CSMD1: variants seen among roughly 807,000 people sequenced by gnomAD.
The protein encoded by CSMD1 is CUB and sushi domain-containing protein 1.
A neutral mutation model predicts 417.5 loss-of-function variants in CSMD1; 213 were observed. That is an observed-to-expected ratio of 0.51 (90% CI 0.46 to 0.57). The LOEUF (loss-of-function observed/expected upper bound fraction) is 0.57. Ranked by LOEUF, CSMD1 falls within the 20% of genes least tolerant of loss-of-function variation. CSMD1 has a pLI of 0.00. For missense variants in CSMD1, 6,923 were observed against 4,529.7 expected (o/e 1.53, Z -15.17); for synonymous variants, 2,862 against 1,736.8 (o/e 1.65, Z -16.11).
At chr8:4,420,337 C>T (rs1585047060) in intron 2 of CSMD1, among the ~76,000 whole-genome samples, 1 of 151,598 alleles carries the variant, frequency 6.6e-6, no homozygotes, top group Non-Finnish European at 1.5e-5. Flanking sequence ...AAATGCTCCT[C>T]GTTTTTGGAT....
At chr8:4,416,277 A>G (rs1212282058) in intron 3 of CSMD1, among the ~76,000 whole-genome samples, 1 of 152,186 alleles carries the variant, frequency 6.6e-6, no homozygotes, top group Admixed American at 6.5e-5. Context: ...ACTGGATCAT[A>G]AAGAATACAA....
At chr8:3,857,156 T>C (rs1272479832) in intron 5 of CSMD1, among the ~76,000 whole-genome samples, 2 of 152,064 alleles carry the variant, frequency 1.3e-5, no homozygotes, top group African/African-American at 2.4e-5. Context: ...TAGTGTAAAA[T>C]GATGGGATAA....
At chr8:3,972,051 C>A (rs571165033) in intron 5 of CSMD1, among the ~76,000 whole-genome samples, 71 of 152,064 alleles carry the variant, frequency 4.7e-4, no homozygotes, top group Non-Finnish European at 1.0e-3. Context: ...GTAAATTTTT[C>A]ATAGAGACAG....
chr8:4,290,814 T>C (rs1485437753), intron 3 of CSMD1, among the ~76,000 whole-genome samples: 2 of 152,224 alleles, frequency 1.3e-5, no homozygotes, highest in Non-Finnish European at 2.9e-5. Context: ...GAAATCACAA[T>C]TTGTAATTAA....
intron 2 of CSMD1, among the ~76,000 whole-genome samples, chr8:4,538,524 T>C (rs1303053793): frequency 6.6e-6 from 1 of 151,962 alleles, no homozygotes; most frequent in Admixed American, 6.6e-5. Flanking sequence ...GTGCCTGTAA[T>C]CCCACCTACT....
At position 4,737,621 on chromosome 8, in the gene CSMD1, T is replaced by C. The variant is rs565114483; in HGVS notation, c.86-100063A>G. Among the ~76,000 whole-genome samples, 4 of 152,338 alleles carry C rather than the reference T, an allele frequency of 2.6e-5. No individual in the cohort carries two copies. In the East Asian group the frequency reaches 7.7e-4, roughly 29 times the overall value. ...CTATCTTTATACTAGCACTATATTT[T>C]ACACATTTTTTACCAAATGGTTGAG... On this transcript the variant is annotated intron_variant, in intron 1 of 69. Transcript: ENST00000635120.
At chr8:3,218,032 T>C (rs963897095) in intron 29 of CSMD1, among the ~76,000 whole-genome samples, 12 of 152,206 alleles carry the variant, frequency 7.9e-5, no homozygotes, top group Non-Finnish European at 1.2e-4. Flanking sequence ...AAAAAACATA[T>C]ATTTATTCTG....
intron 3 of CSMD1, among the ~76,000 whole-genome samples, chr8:4,117,521 C>T (rs188415080): frequency 3.3e-5 from 5 of 152,162 alleles, no homozygotes; most frequent in African/African-American, 9.7e-5. Flanking sequence ...CCAACTCTCT[C>T]GGCAGCCTAT....
chr8:3,285,309 A>G (rs193255705), intron 25 of CSMD1, among the ~76,000 whole-genome samples: 15 of 152,282 alleles, frequency 9.9e-5, no homozygotes, highest in African/African-American at 3.6e-4. Context: ...AATAATCAAG[A>G]TAAATCCTTA....
chr8:4,108,998 T>C (rs954053826), intron 3 of CSMD1, among the ~76,000 whole-genome samples: 7 of 152,206 alleles, frequency 4.6e-5, no homozygotes, highest in Non-Finnish European at 8.8e-5. Flanking sequence ...CTGGAAAGGA[T>C]TGGTTTCAGG....
rs142484055 is a variant in CSMD1, at chr8:4,454,273, G to C, written c.303-34208C>G. The stretch of plus-strand genomic sequence containing the variant: ...CTTACCGCCTCTCACTGCCTAACTG[G>C]ACTCCTGACTTCGGTGGACACCAGA... On this transcript the variant is annotated intron_variant, in intron 2 of 69. Transcript: ENST00000635120. Among the ~76,000 whole-genome samples, 1,303 of 152,194 alleles carry C rather than the reference G, an allele frequency of 8.6e-3. 10 individuals carry two copies. The highest frequency in any genetic ancestry group is 0.013 in the Non-Finnish European group (897 of 68,010).
At chr8:3,450,006 C>T (rs1815583490) in intron 12 of CSMD1, among the ~76,000 whole-genome samples, 1 of 152,216 alleles carries the variant, frequency 6.6e-6, no homozygotes, top group South Asian at 2.1e-4. Flanking sequence ...AGAGGGTCAC[C>T]AGCTCCTCCT....
At chr8:4,205,698 C>G (rs1236498060) in intron 3 of CSMD1, among the ~76,000 whole-genome samples, 1 of 151,666 alleles carries the variant, frequency 6.6e-6, no homozygotes, top group Non-Finnish European at 1.5e-5. Context: ...AAGTTTCTTC[C>G]TACCAAATAA....
chr8:3,581,555 G>T (rs1280176383), intron 9 of CSMD1, among the ~76,000 whole-genome samples: 1 of 152,126 alleles, frequency 6.6e-6, no homozygotes, highest in South Asian at 2.1e-4. Context: ...CTCCAGAGAA[G>T]GCATGATCAT....
chr8:4,048,640 G>A (rs12548766), intron 3 of CSMD1, among the ~76,000 whole-genome samples: 53,234 of 151,980 alleles, frequency 0.35, 9,862 homozygotes, highest in South Asian at 0.5. Flanking sequence ...TAATTTTTGG[G>A]TGTCAATCTG....
At chr8:3,259,603 C>T (rs758418494) in intron 26 of CSMD1, among the ~76,000 whole-genome samples, 4 of 152,196 alleles carry the variant, frequency 2.6e-5, no homozygotes, top group Non-Finnish European at 4.4e-5. Context: ...TGTCTTTTCT[C>T]ATTTGACATG....
intron 1 of CSMD1, among the ~76,000 whole-genome samples, chr8:4,755,622 T>A (rs1416814228): frequency 1.3e-5 from 2 of 152,176 alleles, no homozygotes; most frequent in African/African-American, 4.8e-5. Context: ...CTTTTCATCG[T>A]CTCCAGCCCC....
At chr8:3,402,041 C>G (rs969173913) in intron 15 of CSMD1, among the ~76,000 whole-genome samples, 3 of 151,940 alleles carry the variant, frequency 2.0e-5, no homozygotes, top group East Asian at 1.9e-4. Context: ...TACACCCCTT[C>G]TTGATTACAT....
At chr8:4,940,533 A>T (rs1179071540) in intron 1 of CSMD1, among the ~76,000 whole-genome samples, 1 of 152,220 alleles carries the variant, frequency 6.6e-6, no homozygotes, top group African/African-American at 2.4e-5. Context: ...GCAGAAATCA[A>T]ACTGAAAATT....
Sources: allele counts gnomAD v4.1 joint callset (sites outside exome capture counted in the v4.1 genomes callset), GRCh38; gene constraint gnomAD v4.1.1; transcripts MANE v1.5; gene names NCBI Gene and HGNC (gene_info 2026-07-23, HGNC 2026-07-21).